DALRD3: variants seen among roughly 807,000 people sequenced by gnomAD.
DALRD3 encodes DALR anticodon-binding domain-containing protein 3.
Under a neutral mutation model 56.7 loss-of-function variants are expected in DALRD3, and 47 were observed. That is an observed-to-expected ratio of 0.83 (90% CI 0.66 to 1.06). The LOEUF (loss-of-function observed/expected upper bound fraction) is 1.06, where lower values mean the gene tolerates loss of function less well. Among genes scored for constraint, DALRD3 ranks in the 50% least tolerant of loss-of-function variants. The pLI is 0.00. For missense variants in DALRD3, 787 were observed against 724.0 expected (o/e 1.09, Z -1.00); for synonymous variants, 347 against 308.5 (o/e 1.12, Z -1.31).
chr3:49,016,127 C>T (rs374353645), intron 9 of DALRD3, 31 bp downstream of exon 9: 15 of 1,611,172 alleles, frequency 9.3e-6, no homozygotes, highest in Non-Finnish European at 1.2e-5. Context: ...GTCCAGGCCT[C>T]CTTGTGCCAG....
Position 49,017,775 on chromosome 3 carries a change from C to G in DALRD3, c.556G>C (p.Ala186Pro). The change falls in exon 3 of 12, where the codon GCT becomes CCT. Residue 186 changes from alanine (A) to proline (P), a missense_variant. Ala to Pro is a conservative substitution (Grantham distance 27). Transcript: ENST00000341949. The part of the protein sequence containing the change: ...RVDWPAASER[A>P]SSHTLRSHAL... ...TGGCTCCTCAGGGTGTGGGAGGAAG[C>G]TCTCTCCGAGGCAGCGGGCCAGTCC... 6.2e-7 allele frequency: 1 copy of G among 1,613,704 alleles called. No individual in the cohort carries two copies. Among genetic ancestry groups the G allele is most frequent in the Non-Finnish European group, 8.5e-7 (1 of 1,180,016 alleles).
chr3:49,020,488 C>T (rs2093144227), upstream of DALRD3: 1 of 386,904 alleles, frequency 2.6e-6, no homozygotes, highest in Non-Finnish European at 5.4e-6. Flanking sequence ...TGGCCACCAG[C>T]CTCGGCTCTC....
Position 49,016,480 on chromosome 3 carries a change from G to A in DALRD3, c.1095C>T (p.Leu365=). ...DPAWTEIFGV[L]SVATIKFEML... is the part of the protein sequence containing the mutation. ...TCTCAAACTTGATGGTGGCCACAGA[G>A]AGAACACCAAAGATCTCTGTCCAGG... The change falls in exon 8 of 12, where the codon CTC becomes CTT. Residue 365 remains leucine, a synonymous_variant. Transcript: ENST00000341949. 6.2e-7 allele frequency: 1 copy of A among 1,614,060 alleles called. No homozygotes were observed. Among genetic ancestry groups the A allele is most frequent in the Non-Finnish European group, 8.5e-7 (1 of 1,179,986 alleles).
chr3:49,015,543 T>TTGA lies in DALRD3; in HGVS notation c.*42_*44dup, dbSNP rs1387919435. 2 of 1,604,506 alleles carry TTGA rather than the reference T, an allele frequency of 1.2e-6. No homozygotes were observed. Among genetic ancestry groups the TTGA allele is most frequent in the Non-Finnish European group, 1.7e-6 (2 of 1,175,346 alleles). ...CCGTGGGTTTTTGCTTTTTTTCCAG[T>TTGA]TGATGACTTTGTGAACATTCCCAGG... On this transcript the variant is annotated 3_prime_UTR_variant, in exon 12 of 12. Transcript: ENST00000341949.
Position 49,017,688 on chromosome 3 carries a change from T to G in DALRD3, c.643A>C (p.Arg215=). 6.2e-7 allele frequency: 1 copy of G among 1,614,174 alleles called. No individual in the cohort carries two copies. Among genetic ancestry groups the G allele is most frequent in the Non-Finnish European group, 8.5e-7 (1 of 1,180,026 alleles). Residue 215 remains arginine, a synonymous_variant, in exon 3 of 12, where the codon AGA becomes CGA. Transcript: ENST00000341949. Reference sequence around the variant, plus strand: ...TCCACCAGCTCCTTCAGACACAGTCTGCCTAGGATGCCAGGGGACAGTGTC... The same window carrying G: ...TCCACCAGCTCCTTCAGACACAGTCGGCCTAGGATGCCAGGGGACAGTGTC... ...GRTLSPGILG[R]LCLKELVEEQ...
Position 49,018,579 on chromosome 3 carries a change from G to T in DALRD3, c.-15C>A. Reference sequence around the variant, plus strand: ...CTGGTCGCCATGGTGACCGGAAGGAGTAAGCGGAACCGGAAAAAAATTTAG... The same window carrying T: ...CTGGTCGCCATGGTGACCGGAAGGATTAAGCGGAACCGGAAAAAAATTTAG... On this transcript the variant is annotated 5_prime_UTR_variant, in exon 1 of 12. Coordinates refer to ENST00000341949, the MANE Select transcript of DALRD3 (RefSeq NM_001009996.3). The T allele has an allele frequency of 6.5e-7, 1 of 1,545,190 alleles. No homozygotes were observed. The highest frequency in any genetic ancestry group is 8.7e-7 in the Non-Finnish European group (1 of 1,148,660).
At chr3:49,015,730 G>C (rs1278331794) in intron 11 of DALRD3, 23 bp from the exon 12 acceptor site, 2 of 1,613,934 alleles carry the variant, frequency 1.2e-6, no homozygotes. Flanking sequence ...GGGCCTGCTG[G>C]TCTCATCCTC....
chr3:49,020,861 A>C (rs1350199827), upstream of DALRD3: 3 of 305,812 alleles, frequency 9.8e-6, no homozygotes, highest in Non-Finnish European at 2.1e-5. Flanking sequence ...CCACAGAACA[A>C]TAGAAGGGGA....
chr3:49,017,059 C>G (rs1575289860), intron 5 of DALRD3, 169 bp downstream of exon 5: 1 of 1,013,172 alleles, frequency 9.9e-7, no homozygotes, highest in African/African-American at 1.6e-5. Flanking sequence ...CTACAGACCC[C>G]CCTTCCCCAG....
At chr3:49,019,649 T>C (rs2093134963), upstream of DALRD3, among the ~76,000 whole-genome samples, 1 of 151,392 alleles carries the variant, frequency 6.6e-6, no homozygotes, top group African/African-American at 2.4e-5. Flanking sequence ...CCGGCTACTT[T>C]TGTATTTTTA....
chr3:49,015,948 A>C, intron 10 of DALRD3, 25 bp downstream of exon 10: 1 of 1,614,104 alleles, frequency 6.2e-7, no homozygotes, highest in African/African-American at 1.3e-5. Context: ...TAGAGTGTAG[A>C]GTGTCCTGGT....
Position 49,015,565 on chromosome 3 carries a change from C to T in DALRD3, c.*23G>A. ...CAGTTGATGACTTTGTGAACATTCC[C>T]AGGTATTGGAGCCTCTGTGGCCTTA... On this transcript the variant is annotated 3_prime_UTR_variant, in exon 12 of 12. Transcript: ENST00000341949. 6.2e-7 allele frequency: 1 copy of T among 1,611,186 alleles called. No individual in the cohort carries two copies. The highest frequency in any genetic ancestry group is 8.5e-7 in the Non-Finnish European group (1 of 1,178,982).
rs776886347 is a variant in DALRD3 at position 49,018,525 on chromosome 3, C to T, written c.40G>A (p.Ala14Thr). ...CCTGGCCCCAGGGCCGCGTTGAGGG[C>T]CCCCAGCGTCTCCCCGACCCCAAGG... ...RRLGVGETLG[A>T]LNAALGPGGP... is the part of the protein sequence containing the mutation. The change falls in exon 1 of 12, where the codon GCC (alanine) becomes ACC (threonine). Residue 14 changes from alanine (A) to threonine (T), a missense_variant. Physicochemically the swap from Ala to Thr is moderately conservative, Grantham distance 58 (BLOSUM62 0). Coordinates refer to ENST00000341949, the MANE Select transcript of DALRD3 (RefSeq NM_001009996.3). The T allele has an allele frequency of 1.3e-6, 2 of 1,583,096 alleles. No individual in the cohort carries two copies. Among genetic ancestry groups the T allele is most frequent in the Non-Finnish European group, 1.7e-6 (2 of 1,164,644 alleles).
At chr3:49,018,768 GA>G, upstream of DALRD3, 22 of 985,480 alleles carry the variant, frequency 2.2e-5, no homozygotes, top group Non-Finnish European at 2.7e-5. Context: ...CCCCGGATCT[GA>G]AATCTCGGGG....
Position 49,018,264 on chromosome 3 carries a change from G to C in DALRD3, c.220C>G (p.Pro74Ala), listed in dbSNP as rs778275864. 6.2e-6 allele frequency: 9 copies of C among 1,442,968 alleles called. No individual in the cohort carries two copies. Among genetic ancestry groups the C allele is most frequent in the Non-Finnish European group, 7.2e-6 (8 of 1,106,858 alleles). The allele number at this position is 1,442,968 out of a possible 1,614,324, so 89.4% of individuals were successfully genotyped here. ...GGGGTCGGCGCGCAGCGCAGCACCG[G>C]GGCCACACCGGGGCCCTGCAGGCAG... ...LACLQGPGVA[P>A]VLRCAPTPAG... The change falls in exon 2 of 12, where the codon CCG becomes GCG. Residue 74 changes from proline to alanine, a missense_variant. By Grantham distance (27) the Pro-to-Ala change is conservative (BLOSUM62 -1). Coordinates refer to ENST00000341949, the MANE Select transcript of DALRD3 (RefSeq NM_001009996.3).
upstream of DALRD3, among the ~76,000 whole-genome samples, chr3:49,019,834 A>G (rs1415972333): frequency 6.6e-6 from 1 of 152,216 alleles, no homozygotes; most frequent in Non-Finnish European, 1.5e-5. Flanking sequence ...AACGATCCTT[A>G]AAGCTTCCTG....
upstream of DALRD3, chr3:49,020,424 C>T (rs2093143618): frequency 5.2e-6 from 2 of 386,516 alleles, no homozygotes; most frequent in Non-Finnish European, 1.1e-5. Context: ...TGCAGCCCTA[C>T]CCAGAGGTCC....
Position 49,016,311 on chromosome 3 carries a change from G to GAT in DALRD3, c.1174_1175dup (p.Thr394ProfsTer40). 6.2e-7 allele frequency: 1 copy of GAT among 1,610,176 alleles called. No individual in the cohort carries two copies. Among genetic ancestry groups the GAT allele is most frequent in the Non-Finnish European group, 8.5e-7 (1 of 1,176,778 alleles). On this transcript the variant is annotated frameshift_variant, in exon 9 of 12. Coordinates refer to ENST00000341949, the MANE Select transcript of DALRD3 (RefSeq NM_001009996.3). LOFTEE classifies it high-confidence loss of function. ...TGCCACTCTTTGTGCCCTTCGTGGA[G>GAT]ATACTGCTGTCAGCCAGAGCCAGGA...
At chr3:49,016,927 T>C (rs2093086735) in intron 5 of DALRD3, 80 bp from the exon 6 acceptor site, 2 of 1,521,754 alleles carry the variant, frequency 1.3e-6, no homozygotes, top group Non-Finnish European at 1.8e-6. Context: ...ATCTGGTGCC[T>C]CTACTCAGCC....
Sources: gnomAD v4.1 joint callset for allele counts (sites outside exome capture counted in the v4.1 genomes callset) on GRCh38, gnomAD v4.1.1 for gene constraint, MANE v1.5 for transcripts, NCBI Gene and HGNC (gene_info 2026-07-23, HGNC 2026-07-21) for gene names.